The following IPMK variants were observed in gnomAD, a reference collection of about 807,000 sequenced individuals.
IPMK encodes the protein inositol polyphosphate multikinase, also known as inositol 1,3,4,6-tetrakisphosphate 5-kinase.
A neutral mutation model predicts 45.8 loss-of-function variants in IPMK; 17 were observed. That is an observed-to-expected ratio of 0.37 (90% CI 0.25 to 0.56). The LOEUF is 0.56. Ranked by LOEUF, IPMK falls within the 20% of genes least tolerant of loss-of-function variation. The pLI, the probability that IPMK is intolerant of heterozygous loss-of-function variation, is 0.79. For missense variants in IPMK, 399 were observed against 498.0 expected, an observed-to-expected ratio of 0.80 and a Z score of 1.89; for synonymous variants, 180 against 184.3, an observed-to-expected ratio of 0.98 and a Z score of 0.19.
chr10:58,221,174 C>G (rs1391720759), intron 3 of IPMK, among the ~76,000 whole-genome samples: 2 of 152,140 alleles, frequency 1.3e-5, no homozygotes, highest in African/African-American at 2.4e-5. Context: ...GATTTCACCT[C>G]AAGTTAAAGT....
At chr10:58,204,664 G>A (rs1251334293) in intron 4 of IPMK, among the ~76,000 whole-genome samples, 1 of 152,046 alleles carries the variant, frequency 6.6e-6, no homozygotes, top group Non-Finnish European at 1.5e-5. Flanking sequence ...GTGTGATGGT[G>A]TACACTTGTA....
Position 58,202,619 on chromosome 10 carries a change from T to C in IPMK, c.547-3298A>G, listed in dbSNP as rs182863581. ...GTTGGGGGCTGCAGTGAGCTATGAT[T>C]ATGCCACTGGACTCCAGCCTGGGCC... On this transcript the variant is annotated intron_variant, in intron 4 of 5. Transcript: ENST00000373935. Among the ~76,000 whole-genome samples, 36 of 152,236 alleles carry C rather than the reference T, an allele frequency of 2.4e-4. No homozygotes were observed. The East Asian group carries it at 6.2e-3, about 26-fold the overall frequency.
intron 2 of IPMK, among the ~76,000 whole-genome samples, chr10:58,233,535 C>T (rs775969151): frequency 5.3e-4 from 81 of 152,066 alleles, no homozygotes; most frequent in Non-Finnish European, 9.3e-4. Flanking sequence ...AATCAATAAA[C>T]GTAATCCGTC....
rs1165402634 is a variant in IPMK, at chr10:58,258,750, T to A, written c.190+8672A>T. 4.6e-5 allele frequency among the ~76,000 whole-genome samples: 7 copies of A among 152,098 alleles called. No individual in the cohort carries two copies. In the East Asian group the frequency reaches 1.3e-3, roughly 29 times the overall value. ...TAGTACTTAAAGGGAAATGGGCAGT[T>A]TTAAATGCTTGTATGAGAAGAAAAA... On this transcript the variant is annotated intron_variant, in intron 1 of 5. Transcript: ENST00000373935.
chr10:58,244,605 G>C (rs1838766784), intron 1 of IPMK, among the ~76,000 whole-genome samples: 1 of 149,794 alleles, frequency 6.7e-6, no homozygotes, highest in Admixed American at 6.6e-5. Flanking sequence ...AAAGAAAAGG[G>C]GGAAATGTGG....
Position 58,192,071 on chromosome 10 carries a change from A to T in IPMK, c.*4005T>A. 1 of 152,064 alleles carries T rather than the reference A, an allele frequency of 6.6e-6. No homozygotes were observed. The highest frequency in any genetic ancestry group is 1.9e-4 in the East Asian group (1 of 5,200). The allele number at this position is 152,064 out of a possible 1,614,324, so 9.4% of individuals were successfully genotyped here. Reference sequence around the variant, plus strand: ...GTTTACTTGCATAAATAATATTTTCACTTAGTACAGGCTATTAATATAAGT... The same window carrying T: ...GTTTACTTGCATAAATAATATTTTCTCTTAGTACAGGCTATTAATATAAGT... On this transcript the variant is annotated 3_prime_UTR_variant, in exon 6 of 6. Coordinates refer to ENST00000373935, the MANE Select transcript of IPMK (RefSeq NM_152230.5).
rs374085646 is a variant in IPMK, at chr10:58,248,979, A to G, written c.191-11165T>C. ...ATTCTATATCTTGGCTATTGTGAAT[A>G]TAGCTACAATAAACAGGTGAGTACA... On this transcript the variant is annotated intron_variant, in intron 1 of 5. Coordinates refer to ENST00000373935, the MANE Select transcript of IPMK (RefSeq NM_152230.5). 8.5e-5 allele frequency among the ~76,000 whole-genome samples: 13 copies of G among 152,374 alleles called. No individual in the cohort carries two copies. The East Asian group carries it at 1.7e-3, about 20-fold the overall frequency.
chr10:58,253,541 C>T (rs1838916007), intron 1 of IPMK, among the ~76,000 whole-genome samples: 2 of 152,000 alleles, frequency 1.3e-5, no homozygotes, highest in Non-Finnish European at 2.9e-5. Context: ...AGTTCGAGAC[C>T]AGCCTGGGCA....
At chr10:58,214,032 CA>C (rs1234495919) in intron 4 of IPMK, among the ~76,000 whole-genome samples, 1 of 152,014 alleles carries the variant, frequency 6.6e-6, no homozygotes, top group Non-Finnish European at 1.5e-5. Context: ...AGTTGGAAAG[CA>C]AAGCAGGTTA....
intron 2 of IPMK, 91 bp downstream of exon 2, chr10:58,237,638 A>G (rs1838634096): frequency 2.2e-6 from 2 of 905,190 alleles, no homozygotes; most frequent in Non-Finnish European, 3.7e-6. Flanking sequence ...CACAGTGACT[A>G]TGCTGTCAAA....
chr10:58,197,213 T>G (rs964146818), intron 5 of IPMK, among the ~76,000 whole-genome samples: 3 of 150,076 alleles, frequency 2.0e-5, no homozygotes, highest in Non-Finnish European at 4.4e-5. Flanking sequence ...GGCAGGAGAA[T>G]GGTGTGAACC....
intron 5 of IPMK, among the ~76,000 whole-genome samples, chr10:58,197,093 G>A (rs930191270): frequency 1.2e-4 from 18 of 151,596 alleles, no homozygotes; most frequent in African/African-American, 4.1e-4. Flanking sequence ...GAGGTCAGGA[G>A]ATCCAGACCA....
At chr10:58,238,826 A>G (rs556590600) in intron 1 of IPMK, among the ~76,000 whole-genome samples, 18 of 152,188 alleles carry the variant, frequency 1.2e-4, no homozygotes, top group Non-Finnish European at 2.5e-4. Flanking sequence ...CTCAAGAGAT[A>G]CAGAAATCAA....
intron 3 of IPMK, among the ~76,000 whole-genome samples, chr10:58,219,264 A>T (rs978448549): frequency 7.2e-5 from 11 of 152,238 alleles, no homozygotes; most frequent in Admixed American, 2.0e-4. Flanking sequence ...GAGTTAAAAA[A>T]TAAACATCAA....
chr10:58,227,534 T>A (rs1838437241), intron 2 of IPMK, among the ~76,000 whole-genome samples: 1 of 152,214 alleles, frequency 6.6e-6, no homozygotes, highest in Non-Finnish European at 1.5e-5. Context: ...CTTCCATTAT[T>A]CCAGATAAAT....
chr10:58,255,686 C>T (rs2132177180), intron 1 of IPMK, among the ~76,000 whole-genome samples: 1 of 150,486 alleles, frequency 6.6e-6, no homozygotes, highest in Non-Finnish European at 1.5e-5. Context: ...CTGGAATTTT[C>T]TATGATAAAC....
intron 1 of IPMK, among the ~76,000 whole-genome samples, chr10:58,262,668 A>T (rs1040165597): frequency 6.6e-6 from 1 of 152,214 alleles, no homozygotes; most frequent in African/African-American, 2.4e-5. Context: ...ATTCTAAAAA[A>T]TCTGTTATGA....
chr10:58,193,120 T>C lies in IPMK; in HGVS notation c.*2956A>G, dbSNP rs1837840396. The C allele has an allele frequency of 6.6e-6, 1 of 151,968 alleles. No homozygotes were observed. The highest frequency in any genetic ancestry group is 1.5e-5 in the Non-Finnish European group (1 of 67,848). 9.4% of individuals were successfully genotyped at this position (151,968 alleles called of 1,614,324 possible). On this transcript the variant is annotated 3_prime_UTR_variant, in exon 6 of 6. Coordinates refer to ENST00000373935, the MANE Select transcript of IPMK (RefSeq NM_152230.5). ...TAATATTCCAACCCCTAGAAACAAA[T>C]GTATTTTCAGTAGCATGAAACAAAA...
At chr10:58,231,503 A>G (rs569057852) in intron 2 of IPMK, among the ~76,000 whole-genome samples, 1 of 152,350 alleles carries the variant, frequency 6.6e-6, no homozygotes, top group South Asian at 2.1e-4. Flanking sequence ...TAAAGCCAGA[A>G]GAGAGTGGAG....
Sources: allele counts gnomAD v4.1 joint callset (sites outside exome capture counted in the v4.1 genomes callset), GRCh38; gene constraint gnomAD v4.1.1; transcripts MANE v1.5; gene names NCBI Gene and HGNC (gene_info 2026-07-23, HGNC 2026-07-21).